The following BTLA variants were observed in gnomAD, a reference collection of about 807,000 sequenced individuals.
The protein encoded by BTLA is B- and T-lymphocyte attenuator.
In BTLA, 11 loss-of-function variants were observed where a neutral mutation model predicts 25.0. That is an observed-to-expected ratio of 0.44 (90% CI 0.28 to 0.73). The LOEUF is 0.73. Among genes scored for constraint, BTLA ranks in the 30% least tolerant of loss-of-function variants. The probability of loss-of-function intolerance (pLI) is 0.15; values close to 1 mark genes in which losing one functional copy is unlikely to be tolerated. For synonymous variants in BTLA, 104 were observed against 119.8 expected (o/e 0.87, Z 0.86); for missense variants, 282 against 332.8 (o/e 0.85, Z 1.19).
In BTLA at chr3:112,465,281, C is replaced by G. The variant is rs570107315; in HGVS notation, c.*827G>C. ...CATGAAGCAGTTTAAGCTATCTTCA[C>G]TTGCCCAGTGATACCTATTCTGACT... On this transcript the variant is annotated 3_prime_UTR_variant, in exon 5 of 5. Coordinates refer to ENST00000334529, the MANE Select transcript of BTLA (RefSeq NM_181780.4). 6 of 152,746 alleles carry G rather than the reference C, an allele frequency of 3.9e-5. No individual in the cohort carries two copies. The highest frequency in any genetic ancestry group is 1.4e-4 in the African/African-American group (6 of 41,580). 9.5% of individuals were successfully genotyped at this position (152,746 alleles called of 1,614,324 possible).
intron 1 of BTLA, among the ~76,000 whole-genome samples, chr3:112,481,857 G>A (rs57024033): frequency 0.035 from 5,376 of 151,940 alleles, 247 homozygotes; most frequent in African/African-American, 0.11. Flanking sequence ...GCCTCTTACT[G>A]TATGCAGTTA....
At chr3:112,474,418 C>T (rs1479301470) in intron 2 of BTLA, among the ~76,000 whole-genome samples, 2 of 151,586 alleles carry the variant, frequency 1.3e-5, no homozygotes, top group African/African-American at 4.8e-5. Flanking sequence ...AAATGCACAC[C>T]TAGATTAAAT....
At chr3:112,468,957 G>A (rs776319213) in intron 4 of BTLA, among the ~76,000 whole-genome samples, 1 of 151,944 alleles carries the variant, frequency 6.6e-6, no homozygotes, top group Non-Finnish European at 1.5e-5. Context: ...TTTTTAAGAG[G>A]GTTACTACTT....
chr3:112,494,483 A>T (rs2082398183), intron 1 of BTLA, among the ~76,000 whole-genome samples: 1 of 152,228 alleles, frequency 6.6e-6, no homozygotes, highest in East Asian at 1.9e-4. Context: ...TATTTACAAT[A>T]GCAAAGACAC....
At chr3:112,479,220 C>T (rs1472382079) in intron 2 of BTLA, among the ~76,000 whole-genome samples, 1 of 152,088 alleles carries the variant, frequency 6.6e-6, no homozygotes, top group Admixed American at 6.6e-5. Flanking sequence ...TCCCTAAAGT[C>T]AAAAACAATA....
intron 2 of BTLA, among the ~76,000 whole-genome samples, chr3:112,478,213 TG>T (rs1400266555): frequency 6.6e-6 from 1 of 152,104 alleles, no homozygotes; most frequent in Non-Finnish European, 1.5e-5. Flanking sequence ...TAGATCACCT[TG>T]GGGAATATTG....
intron 2 of BTLA, among the ~76,000 whole-genome samples, chr3:112,477,538 C>T (rs912601163): frequency 4.0e-5 from 6 of 151,652 alleles, no homozygotes; most frequent in African/African-American, 1.2e-4. Context: ...AATTAGGTTG[C>T]CAGTCTATTT....
chr3:112,469,852 A>C, intron 3 of BTLA, 48 bp from the exon 4 acceptor site: 1 of 1,491,534 alleles, frequency 6.7e-7, no homozygotes, highest in Non-Finnish European at 9.2e-7. Flanking sequence ...TAAAGAAAGC[A>C]GAAGTAAACC....
chr3:112,492,184 T>C (rs1030473732), intron 1 of BTLA, among the ~76,000 whole-genome samples: 1 of 152,236 alleles, frequency 6.6e-6, no homozygotes, highest in African/African-American at 2.4e-5. Flanking sequence ...CCCTGTCTAC[T>C]CTGTGTAACA....
Position 112,492,590 on chromosome 3 carries a change from A to T in BTLA, c.88+6681T>A, listed in dbSNP as rs1237503513. On this transcript the variant is annotated intron_variant, in intron 1 of 4. Transcript: ENST00000334529. ...GTCCATCTCTACTTTCTTCCCAGAT[A>T]CTTCCTCACATCTCTAATACATTCT... 2.0e-5 allele frequency among the ~76,000 whole-genome samples: 3 copies of T among 152,188 alleles called. No individual in the cohort carries two copies. The East Asian group carries it at 5.8e-4, about 29-fold the overall frequency.
chr3:112,487,680 T>C lies in BTLA; in HGVS notation c.89-7911A>G, dbSNP rs570202057. On this transcript the variant is annotated intron_variant, in intron 1 of 4. Coordinates refer to ENST00000334529, the MANE Select transcript of BTLA (RefSeq NM_181780.4). ...ACACCCAGGAGTCTGGATATCCCAC[T>C]GTCCTTGACACATTAGTAACGAGAC... Among the ~76,000 whole-genome samples the C allele has an allele frequency of 1.2e-4, 18 of 152,328 alleles. No individual in the cohort carries two copies. The South Asian group carries it at 3.7e-3, about 32-fold the overall frequency.
chr3:112,482,775 G>T (rs1457064776), intron 1 of BTLA, among the ~76,000 whole-genome samples: 1 of 152,128 alleles, frequency 6.6e-6, no homozygotes, highest in African/African-American at 2.4e-5. Context: ...AAACTGAAAG[G>T]TAAGTTATAA....
At chr3:112,476,768 C>T (rs752549138) in intron 2 of BTLA, among the ~76,000 whole-genome samples, 10 of 152,080 alleles carry the variant, frequency 6.6e-5, no homozygotes, top group Non-Finnish European at 1.0e-4. Flanking sequence ...GTTTTGCAAA[C>T]GTGACTACGA....
At chr3:112,484,219 A>G (rs2082334204) in intron 1 of BTLA, among the ~76,000 whole-genome samples, 1 of 152,196 alleles carries the variant, frequency 6.6e-6, no homozygotes, top group South Asian at 2.1e-4. Context: ...TGGTTTTCTG[A>G]CTTAGTGATA....
chr3:112,471,393 C>A (rs1302897125), intron 2 of BTLA, 38 bp from the exon 3 acceptor site: 1 of 1,605,298 alleles, frequency 6.2e-7, no homozygotes, highest in Non-Finnish European at 8.5e-7. Flanking sequence ...GTTAGGAAAT[C>A]TGAGATATAT....
chr3:112,477,024 T>C (rs970266857), intron 2 of BTLA, among the ~76,000 whole-genome samples: 1 of 152,202 alleles, frequency 6.6e-6, no homozygotes, highest in East Asian at 1.9e-4. Flanking sequence ...TCATTCCTTT[T>C]CATGACTGAA....
chr3:112,488,671 T>C (rs1195546238), intron 1 of BTLA, among the ~76,000 whole-genome samples: 1 of 152,210 alleles, frequency 6.6e-6, no homozygotes, highest in South Asian at 2.1e-4. Context: ...TGGAGTGCAG[T>C]GGCGCGATCT....
intron 1 of BTLA, among the ~76,000 whole-genome samples, chr3:112,482,590 G>A (rs1307590957): frequency 2.0e-5 from 3 of 152,102 alleles, no homozygotes; most frequent in Non-Finnish European, 4.4e-5. Context: ...TCTCTGCTCA[G>A]AATAATAGAA....
At chr3:112,490,878 G>T (rs902019809) in intron 1 of BTLA, among the ~76,000 whole-genome samples, 2 of 151,796 alleles carry the variant, frequency 1.3e-5, no homozygotes, top group African/African-American at 4.8e-5. Context: ...ACTTTCATAT[G>T]GTATTAGCAC....
Sources: allele counts gnomAD v4.1 joint callset (sites outside exome capture counted in the v4.1 genomes callset), GRCh38; gene constraint gnomAD v4.1.1; transcripts MANE v1.5; gene names NCBI Gene and HGNC (gene_info 2026-07-23, HGNC 2026-07-21).